DGKB: variants seen among roughly 807,000 people sequenced by gnomAD.
DGKB encodes 90 kDa diacylglycerol kinase.
DGKB carries 67 observed loss-of-function variants against 114.3 expected under a neutral mutation model. The ratio of observed to expected loss-of-function variants is 0.59; its 90% CI spans 0.48 to 0.72. The LOEUF is 0.72. DGKB is among the 30% of genes least tolerant of loss of function. DGKB has a pLI of 0.00. For synonymous variants in DGKB, 398 were observed against 323.1 expected (o/e 1.23, Z -2.49); for missense variants, 907 against 975.2 (o/e 0.93, Z 0.93).
chr7:14,583,408 A>G (rs1450149656), intron 17 of DGKB, among the ~76,000 whole-genome samples: 2 of 152,234 alleles, frequency 1.3e-5, no homozygotes, highest in South Asian at 2.1e-4. Flanking sequence ...TAAGGATAAA[A>G]TTAGTAAATT....
intron 2 of DGKB, among the ~76,000 whole-genome samples, chr7:14,784,219 T>C (rs1018731694): frequency 6.6e-6 from 1 of 152,162 alleles, no homozygotes; most frequent in African/African-American, 2.4e-5. Flanking sequence ...TTTACTTTAC[T>C]GCTCTGTGTG....
intron 6 of DGKB, among the ~76,000 whole-genome samples, chr7:14,717,488 TAATA>T (rs1281382395): frequency 1.3e-5 from 2 of 152,100 alleles, no homozygotes; most frequent in African/African-American, 4.8e-5. Flanking sequence ...CATTTATGAA[TAATA>T]AATATATATT....
intron 1 of DGKB, among the ~76,000 whole-genome samples, chr7:14,915,434 G>A (rs1784197743): frequency 6.6e-6 from 1 of 152,092 alleles, no homozygotes; most frequent in African/African-American, 2.4e-5. Context: ...TATAACAGCT[G>A]TCTTCCAAAA....
chr7:14,744,158 T>C (rs543409376), intron 4 of DGKB, among the ~76,000 whole-genome samples: 147 of 152,336 alleles, frequency 9.6e-4, no homozygotes, highest in African/African-American at 3.3e-3. Flanking sequence ...GCTATACTCA[T>C]GTGAACAAAA....
intron 23 of DGKB, among the ~76,000 whole-genome samples, chr7:14,253,371 A>T (rs62445617): frequency 0.11 from 16,371 of 151,598 alleles, 1,088 homozygotes; most frequent in Non-Finnish European, 0.15. Flanking sequence ...AGTGCTGCCA[A>T]CTCCTATTCT....
intron 14 of DGKB, among the ~76,000 whole-genome samples, chr7:14,623,445 T>A (rs538332614): frequency 4.6e-5 from 7 of 152,162 alleles, no homozygotes; most frequent in Non-Finnish European, 1.0e-4. Flanking sequence ...TACAATACAT[T>A]TATTAAGTAT....
chr7:14,862,219 C>T (rs1212821775), intron 1 of DGKB, among the ~76,000 whole-genome samples: 4 of 151,948 alleles, frequency 2.6e-5, no homozygotes, highest in African/African-American at 9.7e-5. Flanking sequence ...TATGCATACA[C>T]ATAGTGAAAT....
chr7:14,613,035 A>G (rs1805850393), intron 16 of DGKB, among the ~76,000 whole-genome samples: 2 of 152,122 alleles, frequency 1.3e-5, no homozygotes, highest in Non-Finnish European at 2.9e-5. Flanking sequence ...AACCATTTAG[A>G]GAACCAATTT....
chr7:14,505,872 C>T (rs552533600), intron 20 of DGKB, among the ~76,000 whole-genome samples: 15 of 152,220 alleles, frequency 9.9e-5, no homozygotes, highest in African/African-American at 3.6e-4. Context: ...GGTCTCTTTC[C>T]TGTGGATTCC....
At chr7:14,503,608 A>G (rs1786552357) in intron 20 of DGKB, among the ~76,000 whole-genome samples, 1 of 152,170 alleles carries the variant, frequency 6.6e-6, no homozygotes, top group African/African-American at 2.4e-5. Context: ...TTTTCAACAA[A>G]TAGTATAAAT....
intron 2 of DGKB, among the ~76,000 whole-genome samples, chr7:14,840,042 A>G (rs1020423409): frequency 2.0e-5 from 3 of 152,148 alleles, no homozygotes; most frequent in African/African-American, 7.2e-5. Context: ...AGTATTCGCT[A>G]TTACCATCAC....
intron 6 of DGKB, among the ~76,000 whole-genome samples, chr7:14,705,276 T>TA (rs1825992302): frequency 6.7e-6 from 1 of 150,072 alleles, no homozygotes; most frequent in Non-Finnish European, 1.5e-5. Flanking sequence ...GAAAAAAGAA[T>TA]AAAAAGAAAT....
intron 21 of DGKB, among the ~76,000 whole-genome samples, chr7:14,347,948 T>G (rs1270319983): frequency 1.3e-5 from 2 of 152,030 alleles, no homozygotes; most frequent in Non-Finnish European, 2.9e-5. Context: ...TAGACATTAT[T>G]TTGCGATAAA....
chr7:14,496,604 A>T (rs1785344015), intron 20 of DGKB, among the ~76,000 whole-genome samples: 1 of 151,818 alleles, frequency 6.6e-6, no homozygotes, highest in Admixed American at 6.6e-5. Flanking sequence ...TAAATAAAAC[A>T]TAGAACTTCT....
intron 21 of DGKB, among the ~76,000 whole-genome samples, chr7:14,380,159 A>C (rs1339056590): frequency 6.6e-6 from 1 of 152,144 alleles, no homozygotes; most frequent in African/African-American, 2.4e-5. Context: ...TGATTAAAAC[A>C]GTTATCACTG....
At chr7:14,203,341 C>T (rs1786214704) in intron 23 of DGKB, among the ~76,000 whole-genome samples, 1 of 151,876 alleles carries the variant, frequency 6.6e-6, no homozygotes, top group South Asian at 2.1e-4. Flanking sequence ...ACAGTATTCA[C>T]AGTAGAACTT....
At chr7:14,155,382 A>G (rs544736266) in intron 25 of DGKB, among the ~76,000 whole-genome samples, 24 of 152,156 alleles carry the variant, frequency 1.6e-4, no homozygotes, top group African/African-American at 5.3e-4. Flanking sequence ...ATGATAGAAG[A>G]TATGTGATGG....
intron 18 of DGKB, 90 bp from the exon 19 acceptor site, chr7:14,581,041 A>T: frequency 1.3e-6 from 1 of 789,316 alleles, no homozygotes. Context: ...CATTAAATGA[A>T]GGAATTCCAA....
chr7:14,863,266 T>G (rs1851248705), intron 1 of DGKB, among the ~76,000 whole-genome samples: 1 of 151,678 alleles, frequency 6.6e-6, no homozygotes. Flanking sequence ...CTACCAATTT[T>G]CTTAATATAA....
Sources: allele counts gnomAD v4.1 joint callset (sites outside exome capture counted in the v4.1 genomes callset), GRCh38; gene constraint gnomAD v4.1.1; transcripts MANE v1.5; gene names NCBI Gene and HGNC (gene_info 2026-07-23, HGNC 2026-07-21).